EPHA6: variants seen among roughly 807,000 people sequenced by gnomAD.
The protein encoded by EPHA6 is ephrin type-A receptor 6.
Under a neutral mutation model 112.0 loss-of-function variants are expected in EPHA6, and 50 were observed. The observed-to-expected ratio is 0.45, with a 90% CI of 0.36 to 0.56. The LOEUF is 0.56. Among genes scored for constraint, EPHA6 ranks in the 20% least tolerant of loss-of-function variants. The probability of loss-of-function intolerance (pLI) is 0.00; values close to 1 mark genes in which losing one functional copy is unlikely to be tolerated. For synonymous variants in EPHA6, 529 were observed against 490.7 expected, an observed-to-expected ratio of 1.08 and a Z score of -1.03; for missense variants, 1,280 against 1,417.4, an observed-to-expected ratio of 0.90 and a Z score of 1.56.
intron 3 of EPHA6, among the ~76,000 whole-genome samples, chr3:97,019,451 C>T (rs2044375972): frequency 6.6e-6 from 1 of 152,074 alleles, no homozygotes; most frequent in Admixed American, 6.5e-5. Flanking sequence ...AGTAATCTAT[C>T]TCCTGTGAAC....
intron 10 of EPHA6, among the ~76,000 whole-genome samples, chr3:97,530,809 C>T (rs1306560003): frequency 6.6e-6 from 1 of 151,846 alleles, no homozygotes; most frequent in Non-Finnish European, 1.5e-5. Context: ...CAAAGTTACG[C>T]CTTGTTTCCT....
intron 5 of EPHA6, among the ~76,000 whole-genome samples, chr3:97,395,984 G>C (rs1193798202): frequency 2.6e-5 from 4 of 151,646 alleles, no homozygotes; most frequent in African/African-American, 7.3e-5. Flanking sequence ...CCATATGAAA[G>C]CTTTTTAAAC....
At chr3:97,221,131 G>A (rs1457482024) in intron 3 of EPHA6, among the ~76,000 whole-genome samples, 3 of 151,624 alleles carry the variant, frequency 2.0e-5, no homozygotes, top group Non-Finnish European at 4.4e-5. Flanking sequence ...TGGCCAACAC[G>A]GTGAAACCTC....
At chr3:97,704,621 C>T (rs1274287195) in intron 14 of EPHA6, among the ~76,000 whole-genome samples, 4 of 152,154 alleles carry the variant, frequency 2.6e-5, no homozygotes, top group Admixed American at 2.6e-4. Flanking sequence ...TTGACTGATA[C>T]AGAGTATTTT....
chr3:97,055,874 T>G (rs1482916618), intron 3 of EPHA6, among the ~76,000 whole-genome samples: 2 of 152,154 alleles, frequency 1.3e-5, no homozygotes, highest in African/African-American at 4.8e-5. Flanking sequence ...ATAGGCACTT[T>G]AGAAACTCAA....
chr3:97,644,114 A>G (rs996283725), intron 14 of EPHA6, among the ~76,000 whole-genome samples: 1 of 152,092 alleles, frequency 6.6e-6, no homozygotes, highest in Admixed American at 6.5e-5. Context: ...CAATCAAACT[A>G]GAGCTCAGGA....
rs968656951 is a variant in EPHA6 at position 97,751,311 on chromosome 3, AT to A, written c.*2616del. On this transcript the variant is annotated 3_prime_UTR_variant, in exon 18 of 18. Transcript: ENST00000389672. Reference sequence around the variant, plus strand: ...TTCTACATCTGGTTAATTTGTACTTATTTTTTCTTTCTCTAACATCTTTTGA... The same window carrying A: ...TTCTACATCTGGTTAATTTGTACTTATTTTTCTTTCTCTAACATCTTTTGA... 7.2e-5 allele frequency among the ~76,000 whole-genome samples: 11 copies of A among 151,916 alleles called. No individual in the cohort carries two copies. Among genetic ancestry groups the A allele is most frequent in the Non-Finnish European group, 1.0e-4 (7 of 67,944 alleles).
chr3:97,176,740 T>A (rs2076846450), intron 3 of EPHA6, among the ~76,000 whole-genome samples: 1 of 151,972 alleles, frequency 6.6e-6, no homozygotes, highest in Non-Finnish European at 1.5e-5. Flanking sequence ...AGTTGTAATG[T>A]CTCCTCTTTC....
chr3:97,299,865 T>C (rs2081023141), intron 5 of EPHA6, among the ~76,000 whole-genome samples: 1 of 152,194 alleles, frequency 6.6e-6, no homozygotes, highest in African/African-American at 2.4e-5. Context: ...ATTCAACATA[T>C]TTCACAAGGA....
At chr3:97,415,866 G>A (rs921837510) in intron 6 of EPHA6, among the ~76,000 whole-genome samples, 8 of 151,958 alleles carry the variant, frequency 5.3e-5, no homozygotes, top group African/African-American at 1.9e-4. Flanking sequence ...GGTTGAATTT[G>A]TTTGTTGATT....
At chr3:96,997,340 A>C (rs2107887526) in intron 3 of EPHA6, among the ~76,000 whole-genome samples, 1 of 152,080 alleles carries the variant, frequency 6.6e-6, no homozygotes, top group Non-Finnish European at 1.5e-5. Context: ...AACTTGGCTA[A>C]CTCTGGGGCA....
chr3:97,504,537 A>G (rs1252184519), intron 10 of EPHA6, among the ~76,000 whole-genome samples: 1 of 152,080 alleles, frequency 6.6e-6, no homozygotes, highest in African/African-American at 2.4e-5. Flanking sequence ...GTGTCAGGGG[A>G]CAGAGTTTTC....
chr3:96,824,228 T>C (rs113286479), intron 1 of EPHA6, among the ~76,000 whole-genome samples: 2,026 of 151,908 alleles, frequency 0.013, 49 homozygotes, highest in African/African-American at 0.045. Flanking sequence ...TTAAATTTAA[T>C]AATTTATTTT....
chr3:97,329,803 C>T (rs2108816241), intron 5 of EPHA6, among the ~76,000 whole-genome samples: 1 of 152,162 alleles, frequency 6.6e-6, no homozygotes, highest in South Asian at 2.1e-4. Flanking sequence ...TTTTGCTGTG[C>T]AGAAGCTCTT....
At chr3:97,728,056 T>C (rs543440178) in intron 15 of EPHA6, among the ~76,000 whole-genome samples, 25 of 60,164 alleles carry the variant, frequency 4.2e-4, no homozygotes, top group African/African-American at 1.5e-3. Flanking sequence ...AAGAAATATA[T>C]TTACTAGCTT....
chr3:97,163,775 G>T lies in EPHA6; in HGVS notation c.1115-62489G>T, dbSNP rs550069581. 7.2e-5 allele frequency among the ~76,000 whole-genome samples: 11 copies of T among 152,286 alleles called. No individual in the cohort carries two copies. The South Asian group carries it at 2.3e-3, about 32-fold the overall frequency. ...GCAAAGAAGACTCATCAGAATTTAA[G>T]AACTCAGTGACCTTGGCTGCATCAG... On this transcript the variant is annotated intron_variant, in intron 3 of 17. Transcript: ENST00000389672.
chr3:96,987,569 C>G lies in EPHA6; in HGVS notation c.690C>G (p.His230Gln). 1 of 1,613,808 alleles carries G rather than the reference C, an allele frequency of 6.2e-7. No homozygotes were observed. The highest frequency in any genetic ancestry group is 1.7e-5 in the Admixed American group (1 of 59,994). The part of the protein sequence containing the change: ...NLFYMESDES[H>Q]GIKFKPNQYT... ...TTTATATGGAATCAGATGAGTCCCA[C>G]GGAATTAAATTCAAGCCAAACCAGT... The change falls in exon 3 of 18, where the codon CAC (histidine) becomes CAG (glutamine). Residue 230 changes from histidine to glutamine, a missense_variant. Physicochemically the swap from His to Gln is conservative, Grantham distance 24. Around this residue, in one of 4 missense-constraint regions of EPHA6, gnomAD observed 878 missense variants for 999.7 expected, o/e 0.88. Coordinates refer to ENST00000389672, the MANE Select transcript of EPHA6 (RefSeq NM_001080448.3).
At chr3:97,442,159 A>G (rs571738639) in intron 6 of EPHA6, among the ~76,000 whole-genome samples, 2 of 152,316 alleles carry the variant, frequency 1.3e-5, no homozygotes, top group African/African-American at 4.8e-5. Flanking sequence ...CCTATTTTAC[A>G]GAAGTGGTAT....
intron 14 of EPHA6, among the ~76,000 whole-genome samples, chr3:97,656,657 G>C (rs534150218): frequency 6.6e-6 from 1 of 151,730 alleles, no homozygotes; most frequent in Non-Finnish European, 1.5e-5. Flanking sequence ...TACTGATCAG[G>C]CTTATATAGG....
Sources: allele counts gnomAD v4.1 joint callset (sites outside exome capture counted in the v4.1 genomes callset), GRCh38; gene constraint gnomAD v4.1.1; regional missense constraint gnomAD v4.1.1; transcripts MANE v1.5; gene names NCBI Gene and HGNC (gene_info 2026-07-23, HGNC 2026-07-21).